The following ERC2 variants were observed in gnomAD, a reference collection of about 807,000 sequenced individuals.
ERC2 encodes ERC protein 2.
ERC2 carries 42 observed loss-of-function variants against 114.8 expected under a neutral mutation model. The ratio of observed to expected loss-of-function variants is 0.37; its 90% CI spans 0.29 to 0.47. ERC2 has a LOEUF of 0.47. Among genes scored for constraint, ERC2 ranks in the 20% least tolerant of loss-of-function variants. The probability of loss-of-function intolerance (pLI) is 0.99; values close to 1 mark genes in which losing one functional copy is unlikely to be tolerated. For missense variants in ERC2, 939 were observed against 1,150.7 expected (o/e 0.82, Z 2.66); for synonymous variants, 454 against 425.5 (o/e 1.07, Z -0.82).
intron 14 of ERC2, among the ~76,000 whole-genome samples, chr3:55,779,683 C>T (rs916317645): frequency 4.6e-5 from 7 of 152,040 alleles, no homozygotes; most frequent in East Asian, 3.8e-4. Context: ...AATACAAACA[C>T]GGCCAAGTAG....
chr3:56,398,343 G>T (rs370762960), intron 2 of ERC2, among the ~76,000 whole-genome samples: 1 of 152,152 alleles, frequency 6.6e-6, no homozygotes, highest in Non-Finnish European at 1.5e-5. Flanking sequence ...AAGGGGTAAA[G>T]TAACTTGCCA....
At chr3:55,699,346 G>C in intron 16 of ERC2, 32 bp downstream of exon 16, 1 of 1,612,580 alleles carries the variant, frequency 6.2e-7, no homozygotes. Flanking sequence ...AGGGTAAAAG[G>C]GGTCTTGGAG....
chr3:55,596,969 A>G (rs1041564151), intron 17 of ERC2, among the ~76,000 whole-genome samples: 1 of 152,224 alleles, frequency 6.6e-6, no homozygotes, highest in Non-Finnish European at 1.5e-5. Flanking sequence ...AGCTTCATCT[A>G]AAGAATATAC....
At chr3:55,933,210 A>G (rs1429900598) in intron 13 of ERC2, among the ~76,000 whole-genome samples, 5 of 148,312 alleles carry the variant, frequency 3.4e-5, no homozygotes, top group African/African-American at 1.2e-4. Context: ...CTTTGTCTCA[A>G]AAAAAAAAAA....
At chr3:56,378,118 A>C (rs2059614400) in intron 2 of ERC2, among the ~76,000 whole-genome samples, 1 of 151,766 alleles carries the variant, frequency 6.6e-6, no homozygotes, top group South Asian at 2.1e-4. Flanking sequence ...AGACACATGC[A>C]CACGTATGTT....
intron 14 of ERC2, among the ~76,000 whole-genome samples, chr3:55,741,333 T>C (rs1244990248): frequency 6.6e-6 from 1 of 151,982 alleles, no homozygotes; most frequent in African/African-American, 2.4e-5. Flanking sequence ...GGTCCAGCCA[T>C]TGAAAAACTG....
intron 14 of ERC2, among the ~76,000 whole-genome samples, chr3:55,773,383 T>C (rs1478955334): frequency 2.0e-5 from 3 of 152,240 alleles, no homozygotes; most frequent in African/African-American, 4.8e-5. Context: ...GGTCTTTTCA[T>C]AATTAAAAAT....
intron 7 of ERC2, among the ~76,000 whole-genome samples, chr3:56,079,402 T>C (rs1036243708): frequency 6.6e-6 from 1 of 152,202 alleles, no homozygotes; most frequent in South Asian, 2.1e-4. Flanking sequence ...CCATAAAAGC[T>C]ACAGTAAATG....
chr3:55,649,619 A>C (rs1445529221), intron 17 of ERC2, among the ~76,000 whole-genome samples: 1 of 152,188 alleles, frequency 6.6e-6, no homozygotes, highest in Non-Finnish European at 1.5e-5. Context: ...ATACATAAAG[A>C]AGTGCAGGTG....
intron 14 of ERC2, among the ~76,000 whole-genome samples, chr3:55,752,449 A>G (rs1328453317): frequency 3.3e-5 from 5 of 152,160 alleles, no homozygotes; most frequent in African/African-American, 7.2e-5. Context: ...TGTTTTTTCT[A>G]TTGACCTGGT....
At chr3:55,799,452 T>TATATATATATATATATATATATGC (rs1559674687) in intron 14 of ERC2, among the ~76,000 whole-genome samples, 4 of 114,334 alleles carry the variant, frequency 3.5e-5, no homozygotes, top group African/African-American at 2.1e-4. Context: ...TATATATGCA[T>TATATATATATATATATATATATGC]ATATATATAT....
rs576602942 is a variant in ERC2 at position 56,360,336 on chromosome 3, C to A, written c.658-63901G>T. 2.6e-5 allele frequency among the ~76,000 whole-genome samples: 4 copies of A among 152,094 alleles called. No individual in the cohort carries two copies. The South Asian group carries it at 8.3e-4, about 32-fold the overall frequency. On this transcript the variant is annotated intron_variant, in intron 2 of 17. Transcript: ENST00000288221. Reference sequence around the variant, plus strand: ...AGCATGAGCCACCATGCCCGGCCAACAAAAGTCTTCTTAATAGTCCCTTCT... The same window carrying A: ...AGCATGAGCCACCATGCCCGGCCAAAAAAAGTCTTCTTAATAGTCCCTTCT...
At chr3:56,407,271 T>C (rs1419026839) in intron 2 of ERC2, among the ~76,000 whole-genome samples, 1 of 152,164 alleles carries the variant, frequency 6.6e-6, no homozygotes, top group Non-Finnish European at 1.5e-5. Context: ...ATTCTGCAGA[T>C]GGATTCACAG....
chr3:56,149,219 T>C, intron 4 of ERC2, 87 bp from the exon 5 acceptor site: 1 of 1,296,770 alleles, frequency 7.7e-7, no homozygotes, highest in Non-Finnish European at 1.0e-6. Context: ...AAAGTAATTT[T>C]GGTAGTGCTG....
At chr3:56,060,329 T>C (rs1430915216) in intron 7 of ERC2, among the ~76,000 whole-genome samples, 1 of 152,216 alleles carries the variant, frequency 6.6e-6, no homozygotes, top group East Asian at 1.9e-4. Flanking sequence ...AGCTGCATTA[T>C]CCACAGCAAT....
chr3:55,756,586 C>G (rs939820038), intron 14 of ERC2, among the ~76,000 whole-genome samples: 2 of 152,166 alleles, frequency 1.3e-5, no homozygotes, highest in Non-Finnish European at 2.9e-5. Flanking sequence ...ATGTCAAAGG[C>G]TGTTTGACTC....
chr3:55,753,230 C>A (rs147472616), intron 14 of ERC2, among the ~76,000 whole-genome samples: 1 of 152,072 alleles, frequency 6.6e-6, no homozygotes, highest in East Asian at 1.9e-4. Context: ...ATACTTCCCC[C>A]CAATCCCACT....
rs139290540 is a variant in ERC2 at position 55,857,189 on chromosome 3, T to TA, written c.2564+31199dup. ...AATTTTATTTCAATTTTATAAATGT[T>TA]AAAAAAGAAAAATAAAACAGAGAGG... On this transcript the variant is annotated intron_variant, in intron 14 of 17. Transcript: ENST00000288221. Among the ~76,000 whole-genome samples the TA allele has an allele frequency of 4.5e-4, 69 of 152,230 alleles. No individual in the cohort carries two copies. In the East Asian group the frequency reaches 0.013, roughly 28 times the overall value.
chr3:56,300,973 G>T (rs1351625676), intron 2 of ERC2, among the ~76,000 whole-genome samples: 1 of 152,188 alleles, frequency 6.6e-6, no homozygotes, highest in Non-Finnish European at 1.5e-5. Context: ...ATCTTGGCTG[G>T]GTGTGGTGGC....
Sources: allele counts gnomAD v4.1 joint callset (sites outside exome capture counted in the v4.1 genomes callset), GRCh38; gene constraint gnomAD v4.1.1; transcripts MANE v1.5; gene names NCBI Gene and HGNC (gene_info 2026-07-23, HGNC 2026-07-21).